The following NBPF11 variants were observed in gnomAD, a reference collection of about 807,000 sequenced individuals.
NBPF11 encodes NBPF family member NBPF11.
In NBPF11, 72 loss-of-function variants were observed where a neutral mutation model predicts 93.9. The observed-to-expected ratio is 0.77, with a 90% CI of 0.63 to 0.93. The LOEUF (loss-of-function observed/expected upper bound fraction) is 0.93. Among genes scored for constraint, NBPF11 ranks in the 40% least tolerant of loss-of-function variants. The pLI, the probability that NBPF11 is intolerant of heterozygous loss-of-function variation, is 0.00. For missense variants in NBPF11, 705 were observed against 802.2 expected (o/e 0.88, Z 1.46); for synonymous variants, 224 against 304.9 (o/e 0.73, Z 2.76).
intron 15 of NBPF11, among the ~76,000 whole-genome samples, chr1:148,113,639 T>C (rs1665823658): frequency 1.1e-5 from 1 of 87,416 alleles, no homozygotes; most frequent in Non-Finnish European, 2.3e-5. Context: ...TCTACAGAAC[T>C]CTCCACCCCA....
At chr1:148,126,734 C>T (rs1161291873) in intron 5 of NBPF11, 95 bp downstream of exon 5, 7 of 917,456 alleles carry the variant, frequency 7.6e-6, no homozygotes, top group Admixed American at 1.8e-5. Flanking sequence ...TTCTGTTTTC[C>T]TAGAAGTACA....
chr1:148,149,296 C>T (rs2149316205), intron 1 of NBPF11: 4 of 1,596,940 alleles, frequency 2.5e-6, no homozygotes, highest in East Asian at 2.2e-5. Flanking sequence ...TGCGCGTCGC[C>T]TTCCGCGACA....
At chr1:148,116,812 T>A (rs1325718238) in intron 12 of NBPF11, among the ~76,000 whole-genome samples, 11 of 152,060 alleles carry the variant, frequency 7.2e-5, no homozygotes, top group East Asian at 1.9e-4. Context: ...CTCTCTGGAC[T>A]TTGGCAGCTG....
Position 148,103,431 on chromosome 1 carries a change from C to A in NBPF11, c.*465G>T. 1.6e-6 allele frequency: 1 copy of A among 630,038 alleles called. No homozygotes were observed. Among genetic ancestry groups the A allele is most frequent in the Non-Finnish European group, 2.6e-6 (1 of 381,642 alleles). The allele number at this position is 630,038 out of a possible 1,614,324, so 39.0% of individuals were successfully genotyped here. A position where few individuals can be genotyped will look rare whatever the true frequency, so the allele number is the denominator to read the frequency against. ...ACGTGGTTCAAATTAAAATGTCCGA[C>A]TGATCACTCCCGGCATGTGCTGCAC... On this transcript the variant is annotated 3_prime_UTR_variant, in exon 24 of 24. Transcript: ENST00000682118.
rs1354239508 is a variant in NBPF11, at chr1:148,121,189, C to G, written c.779-479G>C. Among the ~76,000 whole-genome samples the G allele has an allele frequency of 7.9e-5, 12 of 151,626 alleles. No individual in the cohort carries two copies. The South Asian group carries it at 2.3e-3, about 29-fold the overall frequency. ...CCTGCCAAGCATCTGGGATTACAAG[C>G]GCCAAGTAACATGACAGCTAATTTT... On this transcript the variant is annotated intron_variant, in intron 9 of 23. Transcript: ENST00000682118.
chr1:148,125,408 T>C (rs1668882670), intron 5 of NBPF11, among the ~76,000 whole-genome samples: 2 of 151,998 alleles, frequency 1.3e-5, no homozygotes, highest in South Asian at 4.1e-4. Flanking sequence ...GGACTGATGG[T>C]TTCCCTTTTA....
At chr1:148,115,164 CAAAAAAAAAAAAAAAAAAAAAAAAA>C (rs57869119) in intron 14 of NBPF11, among the ~76,000 whole-genome samples, 3 of 12,152 alleles carry the variant, frequency 2.5e-4, no homozygotes, top group Non-Finnish European at 3.9e-4. Context: ...GACTCCATCA[CAAAAAAAAAAAAAAAAAAAAAAAAA>C]AAAAAAAAAA....
chr1:148,138,584 C>T (rs1426186419), intron 2 of NBPF11, among the ~76,000 whole-genome samples: 1 of 150,850 alleles, frequency 6.6e-6, no homozygotes, highest in Non-Finnish European at 1.5e-5. Context: ...TGCCTTCAAG[C>T]ATTTGTTTAA....
chr1:148,142,762 G>C (rs1346979209), intron 2 of NBPF11, among the ~76,000 whole-genome samples: 45 of 150,796 alleles, frequency 3.0e-4, no homozygotes, highest in African/African-American at 9.1e-4. Flanking sequence ...CCCATGAATG[G>C]TCAGTGAAAG....
chr1:148,116,587 GCA>G, intron 12 of NBPF11, 52 bp from the exon 13 acceptor site: 2 of 640,412 alleles, frequency 3.1e-6, no homozygotes, highest in Non-Finnish European at 2.8e-6. Flanking sequence ...CAGTCTGCAA[GCA>G]CAGTCAGCCC....
chr1:148,149,383 C>T (rs1478528623), intron 1 of NBPF11: 27 of 1,594,074 alleles, frequency 1.7e-5, no homozygotes, highest in Non-Finnish European at 2.2e-5. Context: ...TGCTCATCAT[C>T]CACGGCAGGG....
At chr1:148,149,517 A>G in intron 1 of NBPF11, 1 of 1,593,536 alleles carries the variant, frequency 6.3e-7, no homozygotes. Flanking sequence ...CAGTACCTGG[A>G]GCGCCTGCGT....
In NBPF11 at chr1:148,122,215, T is replaced by C; in HGVS notation, c.618A>G (p.Glu206=). The C allele has an allele frequency of 1.2e-6, 2 of 1,612,218 alleles. No homozygotes were observed. The highest frequency in any genetic ancestry group is 1.7e-6 in the Non-Finnish European group (2 of 1,179,730). The change falls in exon 9 of 24, where the codon GAA becomes GAG. Residue 206 remains glutamate (E), a synonymous_variant. Coordinates refer to ENST00000682118, the MANE Select transcript of NBPF11 (RefSeq NM_001385469.3). The part of the protein sequence containing the change: ...ESKVPEDSLE[E]CAITCSNSHG... ...GGCTATTTGAACAAGTGATGGCACA[T>C]TCCTCCAGTGAGTCCTCAGGGACTT...
intron 1 of NBPF11, chr1:148,149,189 C>T (rs1647574139): frequency 1.3e-6 from 2 of 1,581,282 alleles, no homozygotes; most frequent in African/African-American, 2.8e-5. Context: ...CAGCATCATC[C>T]TGTACGGGCA....
chr1:148,119,743 C>A (rs1160074989), intron 10 of NBPF11, among the ~76,000 whole-genome samples: 1 of 151,940 alleles, frequency 6.6e-6, no homozygotes, highest in Admixed American at 6.5e-5. Context: ...GCAACCTCAG[C>A]CTCCTGGGTT....
At chr1:148,132,303 ATG>A (rs2149268038) in intron 4 of NBPF11, among the ~76,000 whole-genome samples, 1 of 147,138 alleles carries the variant, frequency 6.8e-6, no homozygotes, top group South Asian at 2.1e-4. Context: ...TTAGACATAC[ATG>A]TGAGTATCTA....
intron 4 of NBPF11, among the ~76,000 whole-genome samples, chr1:148,134,662 C>T (rs1300295367): frequency 7.9e-5 from 12 of 151,354 alleles, no homozygotes; most frequent in African/African-American, 2.9e-4. Flanking sequence ...ACTGTTGTTC[C>T]AACAGTTGTA....
chr1:148,105,239 C>T, intron 22 of NBPF11, 121 bp downstream of exon 22: 1 of 624,618 alleles, frequency 1.6e-6, no homozygotes, highest in Non-Finnish European at 2.8e-6. Context: ...CTACATGTGC[C>T]TATAGGTCCT....
At chr1:148,122,305 A>G (rs1668053693) in intron 8 of NBPF11, 39 bp from the exon 9 acceptor site, 8 of 1,610,006 alleles carry the variant, frequency 5.0e-6, no homozygotes, top group Non-Finnish European at 6.8e-6. Context: ...AGAAGATTAA[A>G]CACAGAGGGA....
Sources: gnomAD v4.1 joint callset for allele counts (sites outside exome capture counted in the v4.1 genomes callset) on GRCh38, gnomAD v4.1.1 for gene constraint, MANE v1.5 for transcripts, NCBI Gene and HGNC (gene_info 2026-07-23, HGNC 2026-07-21) for gene names.